ACYP2: variants seen among roughly 807,000 people sequenced by gnomAD.
ACYP2 encodes the protein acylphosphatase-2.
In ACYP2, 12 loss-of-function variants were observed where a neutral mutation model predicts 11.2. The ratio of observed to expected loss-of-function variants is 1.08; its 90% CI spans 0.69 to 1.74. The LOEUF is 1.74. Among genes scored for constraint, ACYP2 ranks in the 40% most tolerant of loss-of-function variants. ACYP2 has a pLI of 0.00. For synonymous variants in ACYP2, 43 were observed against 32.2 expected (o/e 1.33, Z -1.13); for missense variants, 134 against 101.9 (o/e 1.31, Z -1.35).
intron 6 of ACYP2, among the ~76,000 whole-genome samples, chr2:54,232,928 C>A (rs1003914459): frequency 1.3e-5 from 2 of 152,142 alleles, no homozygotes; most frequent in Admixed American, 6.5e-5. Context: ...GGTGGGGACA[C>A]ACAGCCAAGC....
chr2:54,080,093 A>G (rs1383162531), intron 4 of ACYP2: 4 of 209,430 alleles, frequency 1.9e-5, no homozygotes, highest in Non-Finnish European at 3.1e-5. Flanking sequence ...GGCACAACTC[A>G]CACCATAATG....
intron 6 of ACYP2, among the ~76,000 whole-genome samples, chr2:54,227,809 T>C (rs1041563977): frequency 6.6e-6 from 1 of 152,230 alleles, no homozygotes; most frequent in Non-Finnish European, 1.5e-5. Flanking sequence ...ATATGAATAG[T>C]GGTACCTACA....
intron 4 of ACYP2, among the ~76,000 whole-genome samples, chr2:54,121,930 A>T (rs1426689646): frequency 6.6e-6 from 1 of 152,198 alleles, no homozygotes; most frequent in East Asian, 1.9e-4. Context: ...GTATTTGGGG[A>T]TATCTGGCTT....
chr2:54,087,373 G>T (rs779002857), intron 4 of ACYP2, among the ~76,000 whole-genome samples: 2 of 151,920 alleles, frequency 1.3e-5, no homozygotes, highest in Non-Finnish European at 2.9e-5. Context: ...TTTGAGATAG[G>T]ATTTCACTTT....
At chr2:54,007,519 C>T (rs1673141237) in intron 2 of ACYP2, among the ~76,000 whole-genome samples, 1 of 152,132 alleles carries the variant, frequency 6.6e-6, no homozygotes, top group African/African-American at 2.4e-5. Context: ...TCCCAAAGTC[C>T]TGGGATTACA....
At chr2:54,164,624 A>G (rs1045640697) in intron 6 of ACYP2, among the ~76,000 whole-genome samples, 2 of 152,202 alleles carry the variant, frequency 1.3e-5, no homozygotes, top group African/African-American at 4.8e-5. Flanking sequence ...ATTCATATGA[A>G]TGGAAACCAG....
chr2:54,286,579 T>C (rs1391373034), intron 6 of ACYP2, among the ~76,000 whole-genome samples: 3 of 152,032 alleles, frequency 2.0e-5, no homozygotes, highest in African/African-American at 7.3e-5. Context: ...CAACTGAAAA[T>C]ATAAAATTGG....
intron 2 of ACYP2, among the ~76,000 whole-genome samples, chr2:54,039,000 C>A (rs992493386): frequency 6.6e-6 from 1 of 151,576 alleles, no homozygotes; most frequent in African/African-American, 2.4e-5. Flanking sequence ...TGAGTCATAT[C>A]TGGGGGAAGA....
chr2:53,985,007 G>T (rs969302501), intron 2 of ACYP2, among the ~76,000 whole-genome samples: 22 of 151,086 alleles, frequency 1.5e-4, no homozygotes, highest in African/African-American at 4.6e-4. Context: ...ATTGGTCCAG[G>T]TTACACAGCA....
At chr2:54,223,625 A>C (rs1052157450) in intron 6 of ACYP2, among the ~76,000 whole-genome samples, 1 of 152,202 alleles carries the variant, frequency 6.6e-6, no homozygotes, top group Non-Finnish European at 1.5e-5. Context: ...GGATAAGCCA[A>C]ACTACTCTCT....
At chr2:54,215,334 A>G (rs904708185) in intron 6 of ACYP2, among the ~76,000 whole-genome samples, 10 of 152,190 alleles carry the variant, frequency 6.6e-5, no homozygotes, top group Non-Finnish European at 1.0e-4. Flanking sequence ...CCAGTCTTCA[A>G]GGAGAATGCT....
chr2:54,186,422 C>A (rs1302198256), intron 6 of ACYP2, among the ~76,000 whole-genome samples: 2 of 152,092 alleles, frequency 1.3e-5, no homozygotes, highest in Non-Finnish European at 2.9e-5. Flanking sequence ...TATATTCTTT[C>A]CTTTCTTCCT....
chr2:54,301,631 G>A (rs1443454019), intron 6 of ACYP2, among the ~76,000 whole-genome samples: 1 of 151,902 alleles, frequency 6.6e-6, no homozygotes, highest in Non-Finnish European at 1.5e-5. Flanking sequence ...CTAAGGGTGA[G>A]TGATTTTATA....
chr2:53,982,543 A>G (rs908937608), intron 2 of ACYP2, among the ~76,000 whole-genome samples: 1 of 152,180 alleles, frequency 6.6e-6, no homozygotes, highest in African/African-American at 2.4e-5. Context: ...GGGTTTACCT[A>G]TATCTTAAGA....
chr2:54,019,943 TTTTG>T (rs1338556459), intron 2 of ACYP2, among the ~76,000 whole-genome samples: 2 of 151,944 alleles, frequency 1.3e-5, no homozygotes, highest in East Asian at 1.9e-4. Context: ...GATGCTTCTT[TTTTG>T]TTTGTTTGTT....
At chr2:53,978,149 C>T (rs1671586152) in intron 2 of ACYP2, among the ~76,000 whole-genome samples, 1 of 151,536 alleles carries the variant, frequency 6.6e-6, no homozygotes, top group South Asian at 2.1e-4. Flanking sequence ...GTAATCCCAA[C>T]TATTTTGGAG....
intron 4 of ACYP2, among the ~76,000 whole-genome samples, chr2:54,066,538 A>G (rs1676759913): frequency 6.6e-6 from 1 of 152,208 alleles, no homozygotes; most frequent in Admixed American, 6.5e-5. Context: ...TCTGAATTTG[A>G]ACCCAGCCAT....
intron 2 of ACYP2, among the ~76,000 whole-genome samples, chr2:54,027,768 C>T (rs540846013): frequency 5.4e-5 from 8 of 149,130 alleles, no homozygotes; most frequent in African/African-American, 2.0e-4. Context: ...TACCTAATGT[C>T]TTTTTCTGTT....
intron 6 of ACYP2, among the ~76,000 whole-genome samples, chr2:54,168,056 T>G (rs765533920): frequency 6.6e-6 from 1 of 152,198 alleles, no homozygotes; most frequent in Non-Finnish European, 1.5e-5. Flanking sequence ...TATATTTTGA[T>G]GTACATTTCT....
Sources: gnomAD v4.1 joint callset for allele counts (sites outside exome capture counted in the v4.1 genomes callset) on GRCh38, gnomAD v4.1.1 for gene constraint, MANE v1.5 for transcripts, NCBI Gene and HGNC (gene_info 2026-07-23, HGNC 2026-07-21) for gene names.